Variants in CA10 observed in about 807,000 individuals in gnomAD.
The protein encoded by CA10 is carbonic anhydrase 10 (inactive).
Under a neutral mutation model 44.2 loss-of-function variants are expected in CA10, and 14 were observed. The observed-to-expected ratio is 0.32, with a 90% CI of 0.21 to 0.50. The LOEUF is 0.50. Ranked by LOEUF, CA10 falls within the 20% of genes least tolerant of loss-of-function variation. The pLI is 0.99. For missense variants in CA10, 350 were observed against 409.7 expected (o/e 0.85, Z 1.26); for synonymous variants, 159 against 141.6 (o/e 1.12, Z -0.87).
intron 3 of CA10, among the ~76,000 whole-genome samples, chr17:51,835,524 G>A (rs779687087): frequency 6.6e-6 from 1 of 152,176 alleles, no homozygotes; most frequent in Non-Finnish European, 1.5e-5. Flanking sequence ...GTTCAGTATA[G>A]GCACTGAAAG....
intron 4 of CA10, among the ~76,000 whole-genome samples, chr17:51,730,550 G>T (rs2143557622): frequency 6.6e-6 from 1 of 152,266 alleles, no homozygotes; most frequent in African/African-American, 2.4e-5. Context: ...GAAAGTAGTG[G>T]TTTTGTAAAT....
At chr17:52,098,066 T>C (rs970518711) in intron 1 of CA10, among the ~76,000 whole-genome samples, 31 of 152,186 alleles carry the variant, frequency 2.0e-4, no homozygotes, top group Non-Finnish European at 3.5e-4. Flanking sequence ...GTGCTGCAGC[T>C]GGCCTGTTTT....
chr17:51,979,219 A>G (rs1984567421), intron 2 of CA10, among the ~76,000 whole-genome samples: 1 of 152,208 alleles, frequency 6.6e-6, no homozygotes, highest in Non-Finnish European at 1.5e-5. Context: ...ACACAGCCTT[A>G]ATGAGAAATA....
intron 3 of CA10, among the ~76,000 whole-genome samples, chr17:51,879,185 A>G (rs1161902273): frequency 6.6e-6 from 1 of 151,994 alleles, no homozygotes; most frequent in Non-Finnish European, 1.5e-5. Context: ...GTAGCCATTT[A>G]TCTACTGTCA....
chr17:51,652,857 C>CA (rs1184205818), intron 5 of CA10, among the ~76,000 whole-genome samples: 1 of 152,116 alleles, frequency 6.6e-6, no homozygotes, highest in Non-Finnish European at 1.5e-5. Context: ...CAGGGGCTAG[C>CA]ATGGTGACTG....
chr17:51,699,632 A>C (rs76792109), intron 4 of CA10, among the ~76,000 whole-genome samples: 11,385 of 152,198 alleles, frequency 0.075, 1,441 homozygotes, highest in African/African-American at 0.26. Context: ...GCTTTATTGC[A>C]TGTTGGTAGA....
chr17:52,076,770 G>A (rs150682436), intron 1 of CA10, among the ~76,000 whole-genome samples: 8 of 152,018 alleles, frequency 5.3e-5, no homozygotes, highest in East Asian at 1.9e-4. Context: ...TTATTTTAAC[G>A]CCTCCCACCA....
intron 4 of CA10, among the ~76,000 whole-genome samples, chr17:51,687,419 T>G (rs1053589312): frequency 6.6e-6 from 1 of 152,236 alleles, no homozygotes; most frequent in African/African-American, 2.4e-5. Flanking sequence ...CTAGTCTATT[T>G]TGTTCACTGC....
chr17:51,796,064 C>T (rs1190132990), intron 3 of CA10, among the ~76,000 whole-genome samples: 1 of 152,074 alleles, frequency 6.6e-6, no homozygotes, highest in African/African-American at 2.4e-5. Flanking sequence ...GAGACTGGAA[C>T]CTGGGGGTGC....
intron 3 of CA10, chr17:51,761,550 A>G (rs1282555137): frequency 6.6e-6 from 1 of 152,180 alleles, no homozygotes; most frequent in African/African-American, 2.4e-5. Context: ...GAGATGATGG[A>G]AGAATTCCCA....
Position 51,633,456 on chromosome 17 carries a change from C to G in CA10, c.964+20G>C. 1.2e-6 allele frequency: 2 copies of G among 1,606,368 alleles called. No individual in the cohort carries two copies. Among genetic ancestry groups the G allele is most frequent in the South Asian group, 2.2e-5 (2 of 89,526 alleles). On this transcript the variant is annotated intron_variant, in intron 8 of 8. Transcript: ENST00000451037. ...TGAGCTCTAGCCTAGATCCTCCACT[C>G]TCTGAGCCACCAAACCCACCTCTAT...
chr17:51,770,148 T>A (rs770573492), intron 3 of CA10, among the ~76,000 whole-genome samples: 8 of 150,970 alleles, frequency 5.3e-5, no homozygotes, highest in Admixed American at 1.3e-4. Flanking sequence ...TAGAGCTATT[T>A]GGGTGTGCCT....
intron 2 of CA10, among the ~76,000 whole-genome samples, chr17:52,060,678 T>C (rs973285671): frequency 1.3e-5 from 2 of 152,202 alleles, no homozygotes; most frequent in African/African-American, 4.8e-5. Flanking sequence ...GAGTTTTCAG[T>C]GGATTAATCT....
At chr17:51,751,235 A>G (rs946068442) in intron 3 of CA10, among the ~76,000 whole-genome samples, 2 of 152,214 alleles carry the variant, frequency 1.3e-5, no homozygotes, top group African/African-American at 4.8e-5. Flanking sequence ...ATAGAAACAG[A>G]AAGTAGAATC....
intron 3 of CA10, among the ~76,000 whole-genome samples, chr17:51,824,164 T>C (rs1907923831): frequency 6.6e-6 from 1 of 152,214 alleles, no homozygotes; most frequent in South Asian, 2.1e-4. Context: ...AATGAACATA[T>C]GAGTTAGGTT....
At chr17:51,905,823 G>A (rs1047069320) in intron 3 of CA10, among the ~76,000 whole-genome samples, 11 of 151,786 alleles carry the variant, frequency 7.2e-5, no homozygotes, top group Admixed American at 3.9e-4. Context: ...TCCAATTCCC[G>A]CTCCTCACTC....
rs185292652 is a variant in CA10, at chr17:51,714,467, T to A, written c.465+33166A>T. 3.3e-5 allele frequency among the ~76,000 whole-genome samples: 5 copies of A among 152,236 alleles called. No homozygotes were observed. The East Asian group carries it at 7.7e-4, about 24-fold the overall frequency. On this transcript the variant is annotated intron_variant, in intron 4 of 8. Transcript: ENST00000451037. Reference sequence around the variant, plus strand: ...TTGTGACTTGCCCTAGAAAAATAATTTCCTTCCTCCCTCTGGAGCTCTTTG... The same window carrying A: ...TTGTGACTTGCCCTAGAAAAATAATATCCTTCCTCCCTCTGGAGCTCTTTG...
chr17:51,646,837 C>T (rs776863492), intron 6 of CA10, among the ~76,000 whole-genome samples: 9 of 152,188 alleles, frequency 5.9e-5, no homozygotes, highest in Non-Finnish European at 1.2e-4. Context: ...TCTCATGAAT[C>T]GGCCATCATT....
chr17:52,159,208 A>T, upstream of CA10: 1 of 152,068 alleles, frequency 6.6e-6, no homozygotes, highest in East Asian at 1.9e-4. Context: ...TGCCCTCTCC[A>T]TTTCGTCCCT....
Sources: gnomAD v4.1 joint callset for allele counts (sites outside exome capture counted in the v4.1 genomes callset) on GRCh38, gnomAD v4.1.1 for gene constraint, MANE v1.5 for transcripts, NCBI Gene and HGNC (gene_info 2026-07-23, HGNC 2026-07-21) for gene names.